The following SPMAP2L variants were observed in gnomAD, a reference collection of about 807,000 sequenced individuals.
SPMAP2L encodes sperm microtubule associated protein 2-like.
At chr4:56,543,929 T>TGTGTGA in the SPMAP2L span, among the ~76,000 whole-genome samples, 3 of 131,358 alleles carry the variant, frequency 2.3e-5, no homozygotes, top group Non-Finnish European at 4.8e-5. Context: ...TGTGTGTATG[T>TGTGTGA]GAGAGAGAGA....
At chr4:56,574,755 G>C in the SPMAP2L span, among the ~76,000 whole-genome samples, 2 of 152,090 alleles carry the variant, frequency 1.3e-5, no homozygotes, top group East Asian at 3.9e-4. Flanking sequence ...TGAGACAGGA[G>C]TATTGCTTGA....
chr4:56,610,505 C>T, the SPMAP2L span, among the ~76,000 whole-genome samples: 9 of 152,182 alleles, frequency 5.9e-5, no homozygotes, highest in Non-Finnish European at 1.0e-4. Context: ...TAGAAGGTAA[C>T]ATCAGAAAAA....
At chr4:56,612,015 C>G in the SPMAP2L span, among the ~76,000 whole-genome samples, 1 of 152,182 alleles carries the variant, frequency 6.6e-6, no homozygotes, top group Non-Finnish European at 1.5e-5. Context: ...AATAAGTAGC[C>G]TGTGCGTGCT....
chr4:56,559,849 G>A, the SPMAP2L span, among the ~76,000 whole-genome samples: 199 of 152,284 alleles, frequency 1.3e-3, no homozygotes, highest in African/African-American at 4.6e-3. Flanking sequence ...TTACAGGCAT[G>A]AGCCACCACA....
the SPMAP2L span, among the ~76,000 whole-genome samples, chr4:56,572,462 G>A: frequency 6.6e-6 from 1 of 152,174 alleles, no homozygotes; most frequent in African/African-American, 2.4e-5. Context: ...CTGCAAGAAA[G>A]CAGTGATTAT....
the SPMAP2L span, among the ~76,000 whole-genome samples, chr4:56,614,194 G>C: frequency 1.3e-5 from 2 of 152,160 alleles, no homozygotes; most frequent in Non-Finnish European, 2.9e-5. Flanking sequence ...ACAGAGCCTT[G>C]GAAAGTTGAT....
the SPMAP2L span, chr4:56,593,663 G>T: frequency 1.1e-5 from 17 of 1,603,894 alleles, no homozygotes; most frequent in Non-Finnish European, 1.4e-5. Flanking sequence ...ATTTTTTGCC[G>T]TCCGAGAAAG....
At chr4:56,577,456 T>C in the SPMAP2L span, among the ~76,000 whole-genome samples, 4 of 152,108 alleles carry the variant, frequency 2.6e-5, no homozygotes, top group Non-Finnish European at 5.9e-5. Flanking sequence ...CAAACATTGT[T>C]ACTAGAGACA....
chr4:56,611,952 T>A, the SPMAP2L span, among the ~76,000 whole-genome samples: 4 of 152,166 alleles, frequency 2.6e-5, no homozygotes, highest in African/African-American at 9.7e-5. Flanking sequence ...CTCCCCTAAC[T>A]GCCTTTAAGT....
the SPMAP2L span, among the ~76,000 whole-genome samples, chr4:56,611,441 G>C: frequency 6.6e-6 from 1 of 152,116 alleles, no homozygotes; most frequent in Non-Finnish European, 1.5e-5. Flanking sequence ...TGTGGGAAGC[G>C]GGTGAGGGAT....
chr4:56,567,442 GTTTTTTTTTT>G, the SPMAP2L span, among the ~76,000 whole-genome samples: 2 of 65,578 alleles, frequency 3.0e-5, no homozygotes, highest in East Asian at 3.8e-4. Context: ...AATTTTGGTG[GTTTTTTTTTT>G]TTTTTTTTTT....
the SPMAP2L span, among the ~76,000 whole-genome samples, chr4:56,560,598 T>TGGAGA: frequency 6.6e-6 from 1 of 152,256 alleles, no homozygotes; most frequent in East Asian, 1.9e-4. Flanking sequence ...GTTTGTATCA[T>TGGAGA]TTTTTAAAAA....
At chr4:56,572,194 TA>T in the SPMAP2L span, among the ~76,000 whole-genome samples, 4 of 152,170 alleles carry the variant, frequency 2.6e-5, no homozygotes, top group Admixed American at 6.5e-5. Flanking sequence ...ACAGGGAAGT[TA>T]AAAAAAGTAT....
At chr4:56,606,483 A>C in the SPMAP2L span, among the ~76,000 whole-genome samples, 1 of 152,122 alleles carries the variant, frequency 6.6e-6, no homozygotes, top group African/African-American at 2.4e-5. Context: ...GATATTTCCC[A>C]TATAGGTGCC....
the SPMAP2L span, among the ~76,000 whole-genome samples, chr4:56,562,355 T>TAA: frequency 1.4e-5 from 2 of 145,054 alleles, no homozygotes; most frequent in Admixed American, 1.4e-4. Flanking sequence ...TTTTGCCCTT[T>TAA]AAAAAAAAAA....
At chr4:56,575,040 G>A in the SPMAP2L span, among the ~76,000 whole-genome samples, 1 of 152,116 alleles carries the variant, frequency 6.6e-6, no homozygotes, top group African/African-American at 2.4e-5. Flanking sequence ...CACGAGGTCA[G>A]GAGATCAAGA....
At chr4:56,601,167 G>A in the SPMAP2L span, 1 of 1,457,222 alleles carries the variant, frequency 6.9e-7, no homozygotes, top group Non-Finnish European at 9.1e-7. Flanking sequence ...GGGAGAGGGA[G>A]AAAGTTGACC....
At chr4:56,601,156 G>A in the SPMAP2L span, 2 of 1,488,202 alleles carry the variant, frequency 1.3e-6, no homozygotes, top group Non-Finnish European at 1.8e-6. Flanking sequence ...CTGGGGTTCT[G>A]GGGAGAGGGA....
the SPMAP2L span, among the ~76,000 whole-genome samples, chr4:56,609,853 C>G: frequency 6.6e-6 from 1 of 152,116 alleles, no homozygotes; most frequent in Non-Finnish European, 1.5e-5. Context: ...TTGAACTTCC[C>G]AGGCTGTAGA....
Sources: gnomAD v4.1 joint callset for allele counts (sites outside exome capture counted in the v4.1 genomes callset) on GRCh38, gnomAD v4.1.1 for gene constraint, MANE v1.5 for transcripts, NCBI Gene and HGNC (gene_info 2026-07-23, HGNC 2026-07-21) for gene names.